The following RFTN2 variants were observed in gnomAD, a reference collection of about 807,000 sequenced individuals.
The protein encoded by RFTN2 is raftlin-2.
Under a neutral mutation model 52.7 loss-of-function variants are expected in RFTN2, and 34 were observed. The ratio of observed to expected loss-of-function variants is 0.64; its 90% CI spans 0.49 to 0.86. The LOEUF is 0.86. Ranked by LOEUF, RFTN2 falls within the 40% of genes least tolerant of loss-of-function variation. RFTN2 has a pLI of 0.00. For synonymous variants in RFTN2, 203 were observed against 217.7 expected, an observed-to-expected ratio of 0.93 and a Z score of 0.59; for missense variants, 536 against 600.1, an observed-to-expected ratio of 0.89 and a Z score of 1.12.
intron 6 of RFTN2, 147 bp from the exon 7 acceptor site, chr2:197,616,126 T>C: frequency 1.8e-6 from 1 of 550,168 alleles, no homozygotes; most frequent in Middle Eastern, 3.4e-4. Context: ...CTCTGCTTCC[T>C]TCTGATAATT....
At chr2:197,618,972 G>T (rs991721054) in intron 5 of RFTN2, among the ~76,000 whole-genome samples, 1 of 150,430 alleles carries the variant, frequency 6.6e-6, no homozygotes, top group Non-Finnish European at 1.5e-5. Context: ...TCAGCCCCCC[G>T]CCCGGCCAGC....
At chr2:197,602,064 T>TTTA (rs1314939117) in intron 7 of RFTN2, among the ~76,000 whole-genome samples, 3 of 152,070 alleles carry the variant, frequency 2.0e-5, no homozygotes, top group African/African-American at 4.8e-5. Context: ...CTATCTTTTT[T>TTTA]TTATTATTAT....
At chr2:197,661,049 C>T (rs1023377379) in intron 1 of RFTN2, among the ~76,000 whole-genome samples, 2 of 152,004 alleles carry the variant, frequency 1.3e-5, no homozygotes, top group Admixed American at 1.3e-4. Flanking sequence ...CACACCCACT[C>T]ATCCTTCCCA....
chr2:197,591,337 G>C (rs1385304403), intron 8 of RFTN2, among the ~76,000 whole-genome samples: 1 of 152,200 alleles, frequency 6.6e-6, no homozygotes, highest in Non-Finnish European at 1.5e-5. Flanking sequence ...GCCAATTGGT[G>C]TATCCACAAA....
intron 8 of RFTN2, among the ~76,000 whole-genome samples, chr2:197,591,090 T>A (rs1014456756): frequency 6.6e-6 from 1 of 152,204 alleles, no homozygotes; most frequent in African/African-American, 2.4e-5. Flanking sequence ...GACAGAGTGC[T>A]GATTGGTGAG....
At chr2:197,621,542 T>G (rs1332825696) in intron 5 of RFTN2, among the ~76,000 whole-genome samples, 1 of 152,132 alleles carries the variant, frequency 6.6e-6, no homozygotes, top group Non-Finnish European at 1.5e-5. Flanking sequence ...TTCAACCTTT[T>G]TCATTATTAT....
In RFTN2 at chr2:197,571,977, T is replaced by C. The variant is rs1267161972; in HGVS notation, c.*31A>G. 1.3e-6 allele frequency: 2 copies of C among 1,599,466 alleles called. No individual in the cohort carries two copies. Among genetic ancestry groups the C allele is most frequent in the Non-Finnish European group, 1.7e-6 (2 of 1,167,390 alleles). ...GTTGGCAATGATTTTAACAATTATTTACAGGGCCTTCCTTTGCTTCACCTC... is the reference window on the plus strand; with the variant it reads ...GTTGGCAATGATTTTAACAATTATTCACAGGGCCTTCCTTTGCTTCACCTC... On this transcript the variant is annotated 3_prime_UTR_variant, in exon 9 of 9. Transcript: ENST00000295049.
chr2:197,666,280 T>C (rs1212280428), intron 1 of RFTN2, among the ~76,000 whole-genome samples: 1 of 152,204 alleles, frequency 6.6e-6, no homozygotes, highest in African/African-American at 2.4e-5. Flanking sequence ...AAACAGGGCT[T>C]CACCATGTTG....
intron 3 of RFTN2, among the ~76,000 whole-genome samples, chr2:197,636,936 G>C (rs879314518): frequency 2.7e-3 from 410 of 152,240 alleles, no homozygotes; most frequent in Non-Finnish European, 4.5e-3. Context: ...TTTATTGAGA[G>C]TTTTTAGCAT....
intron 1 of RFTN2, among the ~76,000 whole-genome samples, chr2:197,670,730 T>C (rs1054011714): frequency 6.9e-6 from 1 of 144,596 alleles, no homozygotes; most frequent in Non-Finnish European, 1.5e-5. Flanking sequence ...GCTGTGCATC[T>C]ATAAACTGCC....
At chr2:197,640,571 CA>C (rs1445773382) in intron 3 of RFTN2, among the ~76,000 whole-genome samples, 2 of 152,254 alleles carry the variant, frequency 1.3e-5, no homozygotes, top group Non-Finnish European at 2.9e-5. Context: ...CCAAGTGAGG[CA>C]ATGCCTCGCC....
rs2087277533 is a variant in RFTN2, at chr2:197,569,156, A to AG, written c.*2851dup. The AG allele has an allele frequency of 6.6e-6, 1 of 152,206 alleles. No homozygotes were observed. The highest frequency in any genetic ancestry group is 2.1e-4 in the South Asian group (1 of 4,838). The allele number at this position is 152,206 out of a possible 1,614,324, so 9.4% of individuals were successfully genotyped here. ...AATTAACACTTGGTATTGAAAACGA[A>AG]GATGAAAATGCCATAGATACTACAC... On this transcript the variant is annotated 3_prime_UTR_variant, in exon 9 of 9. Coordinates refer to ENST00000295049, the MANE Select transcript of RFTN2 (RefSeq NM_144629.3).
At position 197,675,483 on chromosome 2, in the gene RFTN2, T is replaced by C. The variant is rs1321724679; in HGVS notation, c.-25A>G. On this transcript the variant is annotated 5_prime_UTR_variant, in exon 1 of 9. Coordinates refer to ENST00000295049, the MANE Select transcript of RFTN2 (RefSeq NM_144629.3). ...TGGCAAAATCTGTAAGGAATTAAAT[T>C]GCAGGAAAGGGGAGGGAGAGCAGCA... The C allele has an allele frequency of 6.7e-7, 1 of 1,502,770 alleles. No individual in the cohort carries two copies. Among genetic ancestry groups the C allele is most frequent in the Admixed American group, 2.1e-5 (1 of 47,012 alleles). The allele number at this position is 1,502,770 out of a possible 1,614,324, so 93.1% of individuals were successfully genotyped here. A position where few individuals can be genotyped will look rare whatever the true frequency, so the allele number is the denominator to read the frequency against.
intron 1 of RFTN2, among the ~76,000 whole-genome samples, chr2:197,657,063 C>T (rs60246411): frequency 1.3e-5 from 2 of 151,960 alleles, no homozygotes; most frequent in African/African-American, 4.8e-5. Context: ...TGGGGTCTTG[C>T]TATTTGGCCA....
chr2:197,609,484 G>GT (rs2088019567), intron 7 of RFTN2, among the ~76,000 whole-genome samples: 2 of 152,066 alleles, frequency 1.3e-5, no homozygotes, highest in South Asian at 2.1e-4. Context: ...GGGGTTGTTT[G>GT]TTTTTTCTTA....
At chr2:197,642,805 C>G (rs1006042444) in intron 3 of RFTN2, among the ~76,000 whole-genome samples, 5 of 152,102 alleles carry the variant, frequency 3.3e-5, no homozygotes, top group African/African-American at 1.2e-4. Context: ...GCAATACAGA[C>G]TCCTGTCTTT....
At chr2:197,658,362 C>T (rs974557551) in intron 1 of RFTN2, among the ~76,000 whole-genome samples, 3 of 152,048 alleles carry the variant, frequency 2.0e-5, no homozygotes, top group African/African-American at 7.2e-5. Context: ...TCTCGACCTC[C>T]TGGGCTCAGG....
In RFTN2 at chr2:197,570,435, ATAT is replaced by A. The variant is rs2087297453; in HGVS notation, c.*1570_*1572del. The A allele has an allele frequency of 6.6e-6, 1 of 152,230 alleles. No homozygotes were observed. Among genetic ancestry groups the A allele is most frequent in the Non-Finnish European group, 1.5e-5 (1 of 68,042 alleles). The allele number at this position is 152,230 out of a possible 1,614,324, so 9.4% of individuals were successfully genotyped here. ...TACATATCTGTTATATGTATAAAAC[ATAT>A]TATATGAAGGCCAGGCATGGTGGCT... On this transcript the variant is annotated 3_prime_UTR_variant, in exon 9 of 9. Coordinates refer to ENST00000295049, the MANE Select transcript of RFTN2 (RefSeq NM_144629.3).
intron 3 of RFTN2, 51 bp from the exon 4 acceptor site, chr2:197,634,048 G>A (rs1247054019): frequency 6.9e-7 from 1 of 1,459,746 alleles, no homozygotes; most frequent in East Asian, 2.3e-5. Flanking sequence ...TATTTTCATT[G>A]ATTACTTTAT....
Sources: gnomAD v4.1 joint callset for allele counts (sites outside exome capture counted in the v4.1 genomes callset) on GRCh38, gnomAD v4.1.1 for gene constraint, MANE v1.5 for transcripts, NCBI Gene and HGNC (gene_info 2026-07-23, HGNC 2026-07-21) for gene names.